Variants in MBD5 observed in about 807,000 individuals in gnomAD.
MBD5 encodes the protein methyl-CpG-binding domain protein 5.
A neutral mutation model predicts 117.3 loss-of-function variants in MBD5; 13 were observed. The ratio of observed to expected loss-of-function variants is 0.11; its 90% CI spans 0.07 to 0.18. The LOEUF (loss-of-function observed/expected upper bound fraction) is 0.18. Ranked by LOEUF, MBD5 falls within the 10% of genes least tolerant of loss-of-function variation. The probability of loss-of-function intolerance (pLI) is 1.00; values close to 1 mark genes in which losing one functional copy is unlikely to be tolerated. For missense variants in MBD5, 1,879 were observed against 2,093.8 expected (o/e 0.90, Z 2.00); for synonymous variants, 727 against 766.4 (o/e 0.95, Z 0.85).
intron 4 of MBD5, among the ~76,000 whole-genome samples, chr2:148,431,953 T>C (rs1706001285): frequency 6.6e-6 from 1 of 152,160 alleles, no homozygotes; most frequent in South Asian, 2.1e-4. Flanking sequence ...CTTTGAGAAA[T>C]CACCAAACTG....
intron 4 of MBD5, among the ~76,000 whole-genome samples, chr2:148,380,557 T>C (rs1429314856): frequency 6.6e-6 from 1 of 152,118 alleles, no homozygotes; most frequent in African/African-American, 2.4e-5. Context: ...AAACTAAACA[T>C]GTAAAATTTA....
chr2:148,226,176 GTA>G (rs1304164707), intron 2 of MBD5, among the ~76,000 whole-genome samples: 1 of 151,176 alleles, frequency 6.6e-6, no homozygotes, highest in Non-Finnish European at 1.5e-5. Context: ...GGTTTGTTAT[GTA>G]TGTTCATATG....
In MBD5 at chr2:148,483,767, C is replaced by T; in HGVS notation, c.3176C>T (p.Pro1059Leu). The T allele has an allele frequency of 6.4e-7, 1 of 1,550,572 alleles. No homozygotes were observed. The highest frequency in any genetic ancestry group is 1.2e-5 in the South Asian group (1 of 84,056). The change falls in exon 9 of 14, where the codon CCA becomes CTA. Residue 1059 changes from proline (P) to leucine (L), a missense_variant. Coordinates refer to ENST00000642680, the MANE Select transcript of MBD5 (RefSeq NM_001378120.1). ...LLTSPLGNPL[P>L]SFAGSDTTFN... Reference sequence around the variant, plus strand: ...ACCAGCCCCCTGGGGAACCCTTTACCAAGCTTTGCAGGCAGTGACACTACT... The same window carrying T: ...ACCAGCCCCCTGGGGAACCCTTTACTAAGCTTTGCAGGCAGTGACACTACT...
At chr2:148,414,671 T>C (rs1410494352) in intron 4 of MBD5, among the ~76,000 whole-genome samples, 3 of 152,180 alleles carry the variant, frequency 2.0e-5, no homozygotes, top group Non-Finnish European at 2.9e-5. Flanking sequence ...ATTTTTAGGA[T>C]AATTTGGTCT....
rs955291476 is a variant in MBD5, at chr2:148,215,254, C to G, written c.-830-17991C>G. Among the ~76,000 whole-genome samples the G allele has an allele frequency of 7.2e-5, 11 of 152,188 alleles. 1 individual carries two copies. Among genetic ancestry groups the G allele is most frequent in the Non-Finnish European group, 1.6e-4 (11 of 68,036 alleles). ...ACTGTCTGTTTTGTCCCTGCTACAT[C>G]GCCAGCCCCCAAAATAGTGTCTGGA... is the stretch of plus-strand genomic sequence containing the variant. On this transcript the variant is annotated intron_variant, in intron 2 of 13. Coordinates refer to ENST00000642680, the MANE Select transcript of MBD5 (RefSeq NM_001378120.1).
At chr2:148,334,426 G>C (rs1027543609) in intron 3 of MBD5, among the ~76,000 whole-genome samples, 5 of 151,556 alleles carry the variant, frequency 3.3e-5, no homozygotes, top group Non-Finnish European at 5.9e-5. Flanking sequence ...TGGAACTCTT[G>C]GGCTCAAGTG....
At chr2:148,511,992 C>A (rs923510887) in intron 13 of MBD5, among the ~76,000 whole-genome samples, 3 of 152,126 alleles carry the variant, frequency 2.0e-5, no homozygotes, top group African/African-American at 7.2e-5. Context: ...TAAGGTTGGC[C>A]AGGGTAAAAG....
intron 3 of MBD5, among the ~76,000 whole-genome samples, chr2:148,336,048 C>T (rs1702778835): frequency 6.6e-6 from 1 of 152,092 alleles, no homozygotes; most frequent in Non-Finnish European, 1.5e-5. Flanking sequence ...CAATAAAGGT[C>T]CCAAAACTTG....
intron 3 of MBD5, among the ~76,000 whole-genome samples, chr2:148,322,842 T>G (rs929139673): frequency 2.2e-4 from 33 of 152,038 alleles, no homozygotes; most frequent in African/African-American, 7.9e-4. Context: ...ATATCTTTAT[T>G]TATTTATTTA....
At chr2:148,280,144 A>C (rs1173786807) in intron 3 of MBD5, among the ~76,000 whole-genome samples, 1 of 151,050 alleles carries the variant, frequency 6.6e-6, no homozygotes, top group South Asian at 2.1e-4. Flanking sequence ...AAAAAAAAAA[A>C]AAAAAACAAA....
chr2:148,425,677 G>T (rs533122441), intron 4 of MBD5, among the ~76,000 whole-genome samples: 1 of 152,150 alleles, frequency 6.6e-6, no homozygotes, highest in South Asian at 2.1e-4. Context: ...ACATCAAAAA[G>T]CTTATCCACC....
At chr2:148,275,330 T>C (rs1475105687) in intron 3 of MBD5, among the ~76,000 whole-genome samples, 2 of 152,150 alleles carry the variant, frequency 1.3e-5, no homozygotes, top group African/African-American at 2.4e-5. Flanking sequence ...ATTTTTATTA[T>C]TGGACTCCTG....
intron 6 of MBD5, 131 bp downstream of exon 6, chr2:148,462,815 A>C: frequency 3.0e-6 from 2 of 676,024 alleles, no homozygotes; most frequent in Non-Finnish European, 2.6e-6. Context: ...TCTAATTCTC[A>C]TATTTTGCAT....
At chr2:148,398,754 T>G (rs1420510675) in intron 4 of MBD5, among the ~76,000 whole-genome samples, 1 of 152,256 alleles carries the variant, frequency 6.6e-6, no homozygotes, top group African/African-American at 2.4e-5. Flanking sequence ...TGGTATTGCC[T>G]AGGTTTTCTT....
chr2:148,220,236 G>C (rs911321929), intron 2 of MBD5, among the ~76,000 whole-genome samples: 1 of 152,028 alleles, frequency 6.6e-6, no homozygotes, highest in Non-Finnish European at 1.5e-5. Context: ...ATTTTTAAAA[G>C]TTCAACTATT....
intron 8 of MBD5, among the ~76,000 whole-genome samples, chr2:148,480,138 T>G (rs773964322): frequency 1.4e-4 from 22 of 152,022 alleles, no homozygotes; most frequent in Admixed American, 6.6e-5. Context: ...AAAGAAAAAT[T>G]TAAAAAACTA....
At chr2:148,180,879 A>T (rs1698516154) in intron 2 of MBD5, among the ~76,000 whole-genome samples, 1 of 152,204 alleles carries the variant, frequency 6.6e-6, no homozygotes. Flanking sequence ...GATATTCTAA[A>T]ATAATATCTA....
intron 4 of MBD5, among the ~76,000 whole-genome samples, chr2:148,441,058 T>G (rs1000832763): frequency 6.6e-6 from 1 of 151,860 alleles, no homozygotes; most frequent in Non-Finnish European, 1.5e-5. Context: ...CATGCCTCTT[T>G]CTATTTCCTG....
chr2:148,070,348 T>G (rs1695317523), intron 1 of MBD5, among the ~76,000 whole-genome samples: 1 of 152,220 alleles, frequency 6.6e-6, no homozygotes, highest in Non-Finnish European at 1.5e-5. Flanking sequence ...TTTAGTGATT[T>G]GATATTGGTA....
Sources: gnomAD v4.1 joint callset for allele counts (sites outside exome capture counted in the v4.1 genomes callset) on GRCh38, gnomAD v4.1.1 for gene constraint, MANE v1.5 for transcripts, NCBI Gene and HGNC (gene_info 2026-07-23, HGNC 2026-07-21) for gene names.